Variants in TBXAS1 observed in about 807,000 individuals in gnomAD.
TBXAS1 encodes the protein thromboxane-A synthase.
TBXAS1 carries 48 observed loss-of-function variants against 60.7 expected under a neutral mutation model. That is an observed-to-expected ratio of 0.79 (90% CI 0.63 to 1.01). The LOEUF (loss-of-function observed/expected upper bound fraction) is 1.01. TBXAS1 is among the 50% of genes least tolerant of loss of function. TBXAS1 has a pLI of 0.00. For missense variants in TBXAS1, 685 were observed against 686.3 expected (o/e 1.00, Z 0.02); for synonymous variants, 287 against 269.7 (o/e 1.06, Z -0.63).
intron 1 of TBXAS1, among the ~76,000 whole-genome samples, chr7:139,849,831 G>C (rs1800089852): frequency 6.6e-6 from 1 of 152,202 alleles, no homozygotes; most frequent in Non-Finnish European, 1.5e-5. Flanking sequence ...ACAGCAACCA[G>C]GGGACACTCT....
At chr7:139,837,044 A>G (rs1383987746) in intron 1 of TBXAS1, among the ~76,000 whole-genome samples, 1 of 152,254 alleles carries the variant, frequency 6.6e-6, no homozygotes, top group Non-Finnish European at 1.5e-5. Flanking sequence ...AATGACCAAC[A>G]AACATGAAAA....
chr7:139,935,729 G>C (rs1332188400), intron 4 of TBXAS1, among the ~76,000 whole-genome samples: 1 of 152,076 alleles, frequency 6.6e-6, no homozygotes, highest in Non-Finnish European at 1.5e-5. Context: ...ACCCATACAA[G>C]GGTCCAGACG....
chr7:139,843,424 C>T (rs1799598591), intron 1 of TBXAS1, among the ~76,000 whole-genome samples: 1 of 152,052 alleles, frequency 6.6e-6, no homozygotes, highest in African/African-American at 2.4e-5. Flanking sequence ...CTCACTGCAA[C>T]CTCCGCCTCC....
rs539379826 is a variant in TBXAS1, at chr7:139,988,331, G to A, written c.1135-18760G>A. Among the ~76,000 whole-genome samples, 13 of 152,320 alleles carry A rather than the reference G, an allele frequency of 8.5e-5. No homozygotes were observed. In the East Asian group the frequency reaches 1.2e-3, roughly 14 times the overall value. Reference sequence around the variant, plus strand: ...TAGCCCGAGCGCCTCCACCTGCCCCGTCAAGGCCCAGATGCAGTGGCCCTT... The same window carrying A: ...TAGCCCGAGCGCCTCCACCTGCCCCATCAAGGCCCAGATGCAGTGGCCCTT... On this transcript the variant is annotated intron_variant, in intron 9 of 12. Coordinates refer to ENST00000448866, the MANE Select transcript of TBXAS1 (RefSeq NM_001061.7).
intron 4 of TBXAS1, among the ~76,000 whole-genome samples, chr7:139,926,159 C>G (rs965725221): frequency 6.6e-6 from 1 of 151,986 alleles, no homozygotes; most frequent in Admixed American, 6.6e-5. Flanking sequence ...GTATGCTGGC[C>G]TCCTGGAGTG....
intron 1 of TBXAS1, among the ~76,000 whole-genome samples, chr7:139,861,973 A>G (rs1801001588): frequency 1.3e-5 from 2 of 152,216 alleles, no homozygotes; most frequent in Non-Finnish European, 2.9e-5. Flanking sequence ...TGGGAGGGAC[A>G]GTCATGTCTT....
chr7:139,942,938 T>A (rs1007647811), intron 5 of TBXAS1, among the ~76,000 whole-genome samples: 7 of 152,236 alleles, frequency 4.6e-5, no homozygotes, highest in African/African-American at 7.2e-5. Flanking sequence ...CTACAATTTT[T>A]AAAAATTTAA....
At chr7:139,816,266 T>G (rs1396144998) in intron 4 of TBXAS1, among the ~76,000 whole-genome samples, 1 of 152,242 alleles carries the variant, frequency 6.6e-6, no homozygotes, top group Non-Finnish European at 1.5e-5. Context: ...TCTCAAGTAG[T>G]ATCTCTAGAG....
At chr7:140,008,051 A>G (rs998831158) in intron 10 of TBXAS1, among the ~76,000 whole-genome samples, 5 of 152,244 alleles carry the variant, frequency 3.3e-5, no homozygotes, top group African/African-American at 1.2e-4. Context: ...AGCACAAAGC[A>G]TTAACCGTAT....
intron 1 of TBXAS1, among the ~76,000 whole-genome samples, chr7:139,855,809 A>C (rs144665219): frequency 1.1e-3 from 163 of 152,328 alleles, no homozygotes; most frequent in African/African-American, 3.8e-3. Flanking sequence ...TGTGAGCTAC[A>C]ATGAAGCCAG....
intron 4 of TBXAS1, chr7:139,913,209 A>T (rs1486162182): frequency 1.4e-6 from 1 of 695,590 alleles, no homozygotes; most frequent in South Asian, 1.5e-5. Context: ...CTGCCTCTAG[A>T]TTCTCTTTCC....
chr7:139,934,345 C>T (rs533940271), intron 4 of TBXAS1, among the ~76,000 whole-genome samples: 10 of 152,152 alleles, frequency 6.6e-5, no homozygotes, highest in African/African-American at 1.7e-4. Flanking sequence ...CCTGCCACCA[C>T]GCCTGGCTAA....
chr7:139,984,963 A>AAAG (rs368963648), intron 9 of TBXAS1, among the ~76,000 whole-genome samples: 1 of 151,542 alleles, frequency 6.6e-6, no homozygotes, highest in Non-Finnish European at 1.5e-5. Flanking sequence ...AGAAAGAAAG[A>AAAG]AAAGATCAAA....
At chr7:139,849,794 C>G (rs1023094521) in intron 1 of TBXAS1, among the ~76,000 whole-genome samples, 2 of 152,154 alleles carry the variant, frequency 1.3e-5, no homozygotes, top group African/African-American at 4.8e-5. Flanking sequence ...ATGCAGAAAG[C>G]GCAGCTTGTT....
At chr7:139,993,892 C>T (rs368873418) in intron 9 of TBXAS1, among the ~76,000 whole-genome samples, 16,138 of 112,514 alleles carry the variant, frequency 0.14, 1,365 homozygotes, top group African/African-American at 0.19. Flanking sequence ...TTCTTTCTTT[C>T]TTTTTTTTTT....
intron 1 of TBXAS1, among the ~76,000 whole-genome samples, chr7:139,857,717 C>G (rs1029168330): frequency 1.3e-5 from 2 of 149,474 alleles, no homozygotes; most frequent in African/African-American, 5.0e-5. Context: ...GCTGGATTTT[C>G]TTTTCTTCTT....
intron 5 of TBXAS1, among the ~76,000 whole-genome samples, chr7:139,944,326 T>G (rs1808525991): frequency 6.6e-6 from 1 of 151,774 alleles, no homozygotes; most frequent in African/African-American, 2.4e-5. Flanking sequence ...AATAGGGGAG[T>G]ACAAATTGGC....
Position 139,957,725 on chromosome 7 carries a change from G to A in TBXAS1, c.780G>A (p.Arg260=), listed in dbSNP as rs1214050301. 2 of 1,613,936 alleles carry A rather than the reference G, an allele frequency of 1.2e-6. No homozygotes were observed. Among genetic ancestry groups the A allele is most frequent in the Non-Finnish European group, 1.7e-6 (2 of 1,180,032 alleles). ...ATGGCTTTTTTAACAAACTCATTAG[G>A]AATGTGATTGCCTTGCGGGACCAGC... ...ELNGFFNKLI[R]NVIALRDQQA... Residue 260 remains arginine, a synonymous_variant, in exon 8 of 13, where the codon AGG becomes AGA. Transcript: ENST00000448866.
At chr7:139,854,537 G>A (rs1800450463) in intron 1 of TBXAS1, among the ~76,000 whole-genome samples, 1 of 152,172 alleles carries the variant, frequency 6.6e-6, no homozygotes, top group African/African-American at 2.4e-5. Context: ...GCTAGAGGCT[G>A]GGAGGCCAGT....
Sources: gnomAD v4.1 joint callset for allele counts (sites outside exome capture counted in the v4.1 genomes callset) on GRCh38, gnomAD v4.1.1 for gene constraint, MANE v1.5 for transcripts, NCBI Gene and HGNC (gene_info 2026-07-23, HGNC 2026-07-21) for gene names.